Variants in MCC observed in about 807,000 individuals in gnomAD.
The protein encoded by MCC is colorectal mutant cancer protein.
A neutral mutation model predicts 116.2 loss-of-function variants in MCC; 90 were observed. The ratio of observed to expected loss-of-function variants is 0.77; its 90% CI spans 0.65 to 0.92. The LOEUF is 0.92. Ranked by LOEUF, MCC falls within the 40% of genes least tolerant of loss-of-function variation. The pLI, the probability that MCC is intolerant of heterozygous loss-of-function variation, is 0.00. For missense variants in MCC, 1,516 were observed against 1,312.2 expected (o/e 1.16, Z -2.40); for synonymous variants, 578 against 510.5 (o/e 1.13, Z -1.78).
intron 5 of MCC, among the ~76,000 whole-genome samples, chr5:113,141,185 G>C (rs1028454121): frequency 6.6e-6 from 1 of 152,196 alleles, no homozygotes; most frequent in African/African-American, 2.4e-5. Context: ...CCTGCCCTTG[G>C]ACATCAGAAC....
In MCC at chr5:113,099,134, C is replaced by T. The variant is rs561261782; in HGVS notation, c.1398+2605G>A. ...TACACTTTTTGAGATCTACACTCAT[C>T]TTGAAATAAAAAGCAATAAATCCAA... On this transcript the variant is annotated intron_variant, in intron 8 of 18. Transcript: ENST00000408903. Among the ~76,000 whole-genome samples the T allele has an allele frequency of 2.6e-4, 39 of 152,260 alleles. No individual in the cohort carries two copies. The South Asian group carries it at 8.1e-3, about 32-fold the overall frequency.
chr5:113,471,531 A>C (rs1042846961), intron 1 of MCC, among the ~76,000 whole-genome samples: 3 of 151,922 alleles, frequency 2.0e-5, no homozygotes, highest in African/African-American at 7.3e-5. Flanking sequence ...TTCCTCTGGA[A>C]GTTTTGTCTC....
intron 8 of MCC, among the ~76,000 whole-genome samples, chr5:113,089,430 G>T (rs888717190): frequency 6.6e-6 from 1 of 152,208 alleles, no homozygotes; most frequent in East Asian, 1.9e-4. Context: ...TTTGATTAGA[G>T]GAGAAAATGG....
At chr5:113,248,930 G>A (rs531204332) in intron 3 of MCC, among the ~76,000 whole-genome samples, 13 of 149,616 alleles carry the variant, frequency 8.7e-5, no homozygotes, top group Admixed American at 2.1e-4. Flanking sequence ...TGCTGCCTCC[G>A]CCTCCTGGGT....
At chr5:113,132,437 TATATATACACACACACACACAC>T (rs1276010561) in intron 5 of MCC, among the ~76,000 whole-genome samples, 1 of 75,596 alleles carries the variant, frequency 1.3e-5, no homozygotes, top group African/African-American at 4.5e-5. Flanking sequence ...CATATATATA[TATATATACACACACACACACAC>T]ACACACACAC....
intron 3 of MCC, among the ~76,000 whole-genome samples, chr5:113,250,935 A>G (rs1822494): frequency 0.024 from 3,729 of 152,290 alleles, 88 homozygotes; most frequent in East Asian, 0.084. Flanking sequence ...CATTCCAATA[A>G]ACTGTCTTGC....
chr5:113,053,659 C>T, intron 15 of MCC, 66 bp downstream of exon 15: 1 of 1,174,980 alleles, frequency 8.5e-7, no homozygotes. Flanking sequence ...GCTGGACCTG[C>T]TTTCAGAGGT....
chr5:113,306,393 T>G (rs1452743678), intron 3 of MCC, among the ~76,000 whole-genome samples: 1 of 152,196 alleles, frequency 6.6e-6, no homozygotes, highest in Non-Finnish European at 1.5e-5. Flanking sequence ...GTATGAGGGT[T>G]TCAATTTCTC....
rs144145088 is a variant in MCC, at chr5:113,082,551, G to A, written c.1784+309C>T. 7.2e-5 allele frequency among the ~76,000 whole-genome samples: 11 copies of A among 152,254 alleles called. No homozygotes were observed. In the East Asian group the frequency reaches 1.9e-3, roughly 27 times the overall value. Reference sequence around the variant, plus strand: ...TAATTTGCAAGGTCCAGTGTGAAACGAAAAAGTGGGGTCCGTTGTTTAACA... The same window carrying A: ...TAATTTGCAAGGTCCAGTGTGAAACAAAAAAGTGGGGTCCGTTGTTTAACA... On this transcript the variant is annotated intron_variant, in intron 11 of 18. Transcript: ENST00000408903.
chr5:113,329,977 TA>T (rs1223378593), intron 3 of MCC, among the ~76,000 whole-genome samples: 1 of 152,238 alleles, frequency 6.6e-6, no homozygotes, highest in East Asian at 1.9e-4. Flanking sequence ...TCTGTCAAAC[TA>T]AATTTGGCCT....
intron 2 of MCC, among the ~76,000 whole-genome samples, chr5:113,367,941 T>G (rs1437044029): frequency 1.3e-5 from 2 of 152,144 alleles, no homozygotes; most frequent in African/African-American, 4.8e-5. Context: ...TAGAATTATT[T>G]AAGTAAAAGG....
chr5:113,200,950 A>C (rs971401627), intron 3 of MCC, among the ~76,000 whole-genome samples: 1 of 152,244 alleles, frequency 6.6e-6, no homozygotes, highest in Non-Finnish European at 1.5e-5. Context: ...ATAAAGGGTT[A>C]ACATTCTGCC....
chr5:113,488,104 G>T, intron 1 of MCC, 141 bp downstream of exon 1: 3 of 838,304 alleles, frequency 3.6e-6, no homozygotes, highest in Admixed American at 7.6e-5. Context: ...CCGGCTACGC[G>T]CTCTCGGAGT....
At chr5:113,320,322 A>C (rs1361010802) in intron 3 of MCC, among the ~76,000 whole-genome samples, 3 of 152,270 alleles carry the variant, frequency 2.0e-5, no homozygotes, top group African/African-American at 7.2e-5. Flanking sequence ...CAGAGAGGGT[A>C]AGGGATCCTA....
intron 3 of MCC, among the ~76,000 whole-genome samples, chr5:113,176,652 T>G (rs1581205554): frequency 6.6e-6 from 1 of 152,158 alleles, no homozygotes; most frequent in Non-Finnish European, 1.5e-5. Flanking sequence ...ACCCCGTACA[T>G]CCAGCTTGCT....
chr5:113,042,108 G>C (rs930652319), intron 17 of MCC, among the ~76,000 whole-genome samples: 5 of 152,036 alleles, frequency 3.3e-5, no homozygotes, highest in Non-Finnish European at 5.9e-5. Context: ...CCAAGAAAGA[G>C]TCACAAAACT....
chr5:113,159,694 T>C (rs1022476699), intron 3 of MCC, among the ~76,000 whole-genome samples: 1 of 152,192 alleles, frequency 6.6e-6, no homozygotes, highest in African/African-American at 2.4e-5. Context: ...TTCAGATACA[T>C]ACAGAACAAA....
chr5:113,299,511 A>C (rs1766804509), intron 3 of MCC, among the ~76,000 whole-genome samples: 1 of 152,068 alleles, frequency 6.6e-6, no homozygotes, highest in Non-Finnish European at 1.5e-5. Context: ...TTTGAACAAG[A>C]ATGCAACTGG....
chr5:113,340,617 T>C lies in MCC; in HGVS notation c.529A>G (p.Ser177Gly). ...ALQKLLEYGG[S>G]SLHQQAALHK... Reference sequence around the variant, plus strand: ...AGAGCAGCCTGCTGATGCAAAGAGCTTCCGCCATACTCGAGCAGCTTCTGG... The same window carrying C: ...AGAGCAGCCTGCTGATGCAAAGAGCCTCCGCCATACTCGAGCAGCTTCTGG... The change falls in exon 3 of 19, where the codon AGC (serine) becomes GGC (glycine). Residue 177 changes from serine (S) to glycine (G), a missense_variant. Transcript: ENST00000408903. 1 of 1,614,158 alleles carries C rather than the reference T, an allele frequency of 6.2e-7. No individual in the cohort carries two copies. The highest frequency in any genetic ancestry group is 8.5e-7 in the Non-Finnish European group (1 of 1,180,012).
Sources: allele counts gnomAD v4.1 joint callset (sites outside exome capture counted in the v4.1 genomes callset), GRCh38; gene constraint gnomAD v4.1.1; transcripts MANE v1.5; gene names NCBI Gene and HGNC (gene_info 2026-07-23, HGNC 2026-07-21).